Variants in SUMF1 observed in about 807,000 individuals in gnomAD.
The protein encoded by SUMF1 is formylglycine-generating enzyme.
In SUMF1, 48 loss-of-function variants were observed where a neutral mutation model predicts 47.6. That is an observed-to-expected ratio of 1.01 (90% CI 0.80 to 1.28). The LOEUF is 1.28. SUMF1 is among the 50% of genes most tolerant of loss of function. The pLI, the probability that SUMF1 is intolerant of heterozygous loss-of-function variation, is 0.00. For synonymous variants in SUMF1, 230 were observed against 192.1 expected, an observed-to-expected ratio of 1.20 and a Z score of -1.63; for missense variants, 571 against 485.4, an observed-to-expected ratio of 1.18 and a Z score of -1.66.
At chr3:4,170,357 T>G (rs1694804730) in intron 8 of SUMF1, among the ~76,000 whole-genome samples, 1 of 152,150 alleles carries the variant, frequency 6.6e-6, no homozygotes, top group Non-Finnish European at 1.5e-5. Context: ...CCCTAGATTT[T>G]CTGACTAAAA....
At chr3:4,336,678 C>A (rs1182446306) in intron 8 of SUMF1, among the ~76,000 whole-genome samples, 1 of 152,160 alleles carries the variant, frequency 6.6e-6, no homozygotes, top group Non-Finnish European at 1.5e-5. Context: ...TTAATCAGGT[C>A]ATTATTTTAT....
intron 8 of SUMF1, among the ~76,000 whole-genome samples, chr3:4,259,119 G>A (rs185176951): frequency 3.1e-5 from 4 of 129,566 alleles, no homozygotes; most frequent in African/African-American, 1.1e-4. Flanking sequence ...GTGGTGGGGT[G>A]GGGGGAGGGT....
At chr3:4,378,502 A>G (rs1211476655) in intron 7 of SUMF1, among the ~76,000 whole-genome samples, 1 of 152,238 alleles carries the variant, frequency 6.6e-6, no homozygotes, top group Non-Finnish European at 1.5e-5. Context: ...AAGGCCTTAA[A>G]TGCTTAATGT....
At chr3:4,457,964 T>C (rs1478713467) in intron 1 of SUMF1, among the ~76,000 whole-genome samples, 1 of 152,114 alleles carries the variant, frequency 6.6e-6, no homozygotes, top group African/African-American at 2.4e-5. Context: ...CCAGAATGAG[T>C]GAAAATCTTT....
downstream of SUMF1, among the ~76,000 whole-genome samples, chr3:4,358,127 CT>C (rs1250530318): frequency 6.6e-6 from 1 of 152,032 alleles, no homozygotes; most frequent in African/African-American, 2.4e-5. Context: ...AAGGTCCCTC[CT>C]GATTACCACC....
At chr3:4,129,149 T>C (rs1212362478) in intron 8 of SUMF1, among the ~76,000 whole-genome samples, 1 of 152,134 alleles carries the variant, frequency 6.6e-6, no homozygotes, top group Non-Finnish European at 1.5e-5. Context: ...TGAAGAGCCC[T>C]GTAATTGCCC....
At chr3:4,427,234 G>A (rs1281110191) in intron 3 of SUMF1, among the ~76,000 whole-genome samples, 2 of 152,162 alleles carry the variant, frequency 1.3e-5, no homozygotes, top group Admixed American at 1.3e-4. Context: ...AAAATTAAAT[G>A]CATTTAGACA....
At chr3:4,141,343 T>C (rs563086642) in intron 8 of SUMF1, among the ~76,000 whole-genome samples, 3 of 152,008 alleles carry the variant, frequency 2.0e-5, no homozygotes, top group Admixed American at 6.6e-5. Flanking sequence ...GGAGAAGAAA[T>C]TGAAATCCAT....
At chr3:4,301,324 G>C (rs192299571) in intron 8 of SUMF1, among the ~76,000 whole-genome samples, 200 of 152,294 alleles carry the variant, frequency 1.3e-3, no homozygotes, top group African/African-American at 4.6e-3. Context: ...AGCAGCAAAA[G>C]AGACCAAGGA....
At chr3:4,323,884 T>C (rs1211876604) in intron 8 of SUMF1, among the ~76,000 whole-genome samples, 3 of 152,206 alleles carry the variant, frequency 2.0e-5, no homozygotes, top group Non-Finnish European at 2.9e-5. Context: ...ACCTGACAGC[T>C]CTTCCTCTCA....
intron 9 of SUMF1, among the ~76,000 whole-genome samples, chr3:4,048,330 T>G (rs1302732318): frequency 6.6e-6 from 1 of 152,150 alleles, no homozygotes; most frequent in Non-Finnish European, 1.5e-5. Context: ...ATGCAGGCAC[T>G]GCCACAGTCA....
In SUMF1 at chr3:4,119,001, C is replaced by T. The variant is rs139048927; in HGVS notation, c.1015-50256G>A. ...ATATCTTTATTTGATGTCCTACAAA[C>T]ACCTCAAACAGCATATACAACATTG... On this transcript the variant is annotated intron_variant and NMD_transcript_variant, in intron 8 of 12. Coordinates refer to the SUMF1 transcript ENST00000448413. 3.5e-3 allele frequency among the ~76,000 whole-genome samples: 534 copies of T among 152,192 alleles called. 3 individuals carry two copies. The highest frequency in any genetic ancestry group is 5.8e-3 in the Non-Finnish European group (396 of 68,010).
In SUMF1 at chr3:4,418,122, G is replaced by A. The variant is rs1399614010; in HGVS notation, c.613C>T (p.Pro205Ser). The stretch of plus-strand genomic sequence containing the variant: ...TCATTCCAGGACACATGGAGAACTG[G>A]ATGATCCGGCCTGGGGAAGAGCAAA... The part of the protein sequence containing the change: ...DSTILHRPDH[P>S]VLHVSWNDAV... The change falls in exon 5 of 9, where the codon CCA (proline) becomes TCA (serine). Residue 205 changes from proline to serine, a missense_variant. Pro to Ser is a moderately conservative substitution (Grantham distance 74). Coordinates refer to ENST00000272902, the MANE Select transcript of SUMF1 (RefSeq NM_182760.4). 1 of 1,613,942 alleles carries A rather than the reference G, an allele frequency of 6.2e-7. No homozygotes were observed. The highest frequency in any genetic ancestry group is 1.3e-5 in the African/African-American group (1 of 74,922).
intron 8 of SUMF1, among the ~76,000 whole-genome samples, chr3:4,287,361 A>G (rs1279522194): frequency 6.6e-6 from 1 of 151,946 alleles, no homozygotes; most frequent in Non-Finnish European, 1.5e-5. Context: ...CTTAATAAAC[A>G]TTTATTTTCC....
intron 1 of SUMF1, among the ~76,000 whole-genome samples, chr3:4,456,681 T>C (rs1321502498): frequency 1.4e-5 from 2 of 141,196 alleles, no homozygotes; most frequent in African/African-American, 5.3e-5. Flanking sequence ...TACGTGTATA[T>C]ATATATGTGT....
chr3:4,292,309 T>G (rs1278507153), intron 8 of SUMF1, among the ~76,000 whole-genome samples: 3 of 152,222 alleles, frequency 2.0e-5, no homozygotes, highest in African/African-American at 7.2e-5. Flanking sequence ...AGTCATTGAT[T>G]AAACGCAAGG....
At chr3:4,431,372 C>CT (rs1359194253) in intron 3 of SUMF1, among the ~76,000 whole-genome samples, 1 of 152,206 alleles carries the variant, frequency 6.6e-6, no homozygotes, top group Non-Finnish European at 1.5e-5. Flanking sequence ...TGAGTGGTGT[C>CT]TTTGCTTTAG....
Position 4,386,772 on chromosome 3 carries a change from A to G in SUMF1, c.955-10383T>C, listed in dbSNP as rs561026641. On this transcript the variant is annotated intron_variant, in intron 7 of 8. Coordinates refer to ENST00000272902, the MANE Select transcript of SUMF1 (RefSeq NM_182760.4). ...AGATGCTCTTTACTAAGTTTGAGAA[A>G]ATCTTTGTATTCCTATTTTCCTGAG... Among the ~76,000 whole-genome samples, 4 of 152,068 alleles carry G rather than the reference A, an allele frequency of 2.6e-5. No individual in the cohort carries two copies. In the East Asian group the frequency reaches 7.7e-4, roughly 29 times the overall value.
chr3:4,296,252 T>A (rs1241773614), intron 8 of SUMF1, among the ~76,000 whole-genome samples: 1 of 151,074 alleles, frequency 6.6e-6, no homozygotes, highest in Non-Finnish European at 1.5e-5. Context: ...ATTCTATTAA[T>A]ATTATTTTGG....
Sources: allele counts gnomAD v4.1 joint callset (sites outside exome capture counted in the v4.1 genomes callset), GRCh38; gene constraint gnomAD v4.1.1; transcripts MANE v1.5; gene names NCBI Gene and HGNC (gene_info 2026-07-23, HGNC 2026-07-21).